Variants in CSMD1 observed in about 807,000 individuals in gnomAD.
CSMD1 encodes the protein CUB and Sushi multiple domains 1, also known as CUB and sushi domain-containing protein 1.
A neutral mutation model predicts 417.5 loss-of-function variants in CSMD1; 213 were observed. That is an observed-to-expected ratio of 0.51 (90% CI 0.46 to 0.57). The LOEUF (loss-of-function observed/expected upper bound fraction) is 0.57. Among genes scored for constraint, CSMD1 ranks in the 20% least tolerant of loss-of-function variants. The pLI is 0.00. For missense variants in CSMD1, 6,923 were observed against 4,529.7 expected (o/e 1.53, Z -15.17); for synonymous variants, 2,862 against 1,736.8 (o/e 1.65, Z -16.11).
At chr8:3,115,262 C>T (rs559120786) in intron 42 of CSMD1, among the ~76,000 whole-genome samples, 4 of 131,776 alleles carry the variant, frequency 3.0e-5, no homozygotes, top group African/African-American at 5.4e-5. Context: ...AGTGCAATGG[C>T]GCTATCTTGG....
intron 41 of CSMD1, among the ~76,000 whole-genome samples, chr8:3,137,695 G>C (rs76927918): frequency 6.6e-6 from 1 of 152,130 alleles, no homozygotes; most frequent in Non-Finnish European, 1.5e-5. Context: ...AGCAAATGCC[G>C]TGTAAATAGT....
At position 3,674,393 on chromosome 8, in the gene CSMD1, T is replaced by G. The variant is rs536349939; in HGVS notation, c.1009+34021A>C. ...GAGCTAAGTAGAAGCCATAATTTCCTAAGCATTTCTCATTCAAATCAAGAA... is the reference window on the plus strand; with the variant it reads ...GAGCTAAGTAGAAGCCATAATTTCCGAAGCATTTCTCATTCAAATCAAGAA... On this transcript the variant is annotated intron_variant, in intron 7 of 69. Coordinates refer to ENST00000635120, the MANE Select transcript of CSMD1 (RefSeq NM_033225.6). 3.9e-5 allele frequency among the ~76,000 whole-genome samples: 6 copies of G among 152,322 alleles called. No individual in the cohort carries two copies. The South Asian group carries it at 1.2e-3, about 32-fold the overall frequency.
intron 3 of CSMD1, among the ~76,000 whole-genome samples, chr8:4,032,454 G>C (rs1379283016): frequency 6.6e-6 from 1 of 152,176 alleles, no homozygotes; most frequent in Admixed American, 6.5e-5. Flanking sequence ...TCAGCAACCA[G>C]ACACAGTAGA....
chr8:3,279,607 C>G (rs13276241), intron 26 of CSMD1, among the ~76,000 whole-genome samples: 41,864 of 151,932 alleles, frequency 0.28, 6,321 homozygotes, highest in East Asian at 0.46. Context: ...TTAGTCTGCT[C>G]TCATGCAGCT....
chr8:4,387,486 T>C (rs569201942), intron 3 of CSMD1, among the ~76,000 whole-genome samples: 2 of 146,752 alleles, frequency 1.4e-5, no homozygotes, highest in Non-Finnish European at 3.0e-5. Flanking sequence ...TTTCATATCA[T>C]ACTTGCATAA....
intron 1 of CSMD1, among the ~76,000 whole-genome samples, chr8:4,670,171 T>C (rs1039984850): frequency 6.6e-6 from 1 of 152,208 alleles, no homozygotes; most frequent in African/African-American, 2.4e-5. Context: ...CACATTAATT[T>C]TTGCAAACTA....
intron 3 of CSMD1, among the ~76,000 whole-genome samples, chr8:4,101,506 T>C (rs1339082850): frequency 2.0e-5 from 3 of 152,176 alleles, no homozygotes; most frequent in Non-Finnish European, 4.4e-5. Flanking sequence ...CACCCTGCAG[T>C]CACCAAATAT....
chr8:3,912,756 C>G (rs144525406), intron 5 of CSMD1, among the ~76,000 whole-genome samples: 1 of 152,306 alleles, frequency 6.6e-6, no homozygotes, highest in African/African-American at 2.4e-5. Context: ...CTGCAGTCTG[C>G]TCTTGTAGCT....
rs564761456 is a variant in CSMD1 at position 4,144,257 on chromosome 8, A to C, written c.416-112158T>G. Among the ~76,000 whole-genome samples, 14 of 151,032 alleles carry C rather than the reference A, an allele frequency of 9.3e-5. 1 individual carries two copies. The highest frequency in any genetic ancestry group is 3.2e-4 in the African/African-American group (13 of 40,400). ...AAACTGGCCGTAAGTTCCCTGCCTCAAGACCTTATTCTGCCTCACACTCAC... is the reference window on the plus strand; with the variant it reads ...AAACTGGCCGTAAGTTCCCTGCCTCCAGACCTTATTCTGCCTCACACTCAC... On this transcript the variant is annotated intron_variant, in intron 3 of 69. Transcript: ENST00000635120.
intron 3 of CSMD1, among the ~76,000 whole-genome samples, chr8:4,046,540 T>C (rs949754132): frequency 3.3e-5 from 5 of 152,212 alleles, no homozygotes; most frequent in Admixed American, 2.0e-4. Context: ...TGTATTCAAC[T>C]CTGTACATAG....
At chr8:4,194,792 G>C (rs1476261315) in intron 3 of CSMD1, among the ~76,000 whole-genome samples, 3 of 151,758 alleles carry the variant, frequency 2.0e-5, no homozygotes, top group Non-Finnish European at 4.4e-5. Flanking sequence ...ACCTTCATGA[G>C]ACTCTTTGGT....
chr8:3,770,554 G>C (rs1329555384), intron 5 of CSMD1, among the ~76,000 whole-genome samples: 1 of 151,992 alleles, frequency 6.6e-6, no homozygotes, highest in Non-Finnish European at 1.5e-5. Flanking sequence ...AAAAAGTAAA[G>C]AAAGAACATA....
At chr8:4,495,147 G>T (rs1416195251) in intron 2 of CSMD1, among the ~76,000 whole-genome samples, 2 of 152,096 alleles carry the variant, frequency 1.3e-5, no homozygotes, top group African/African-American at 4.8e-5. Flanking sequence ...AACAAGTGAG[G>T]TAGGAACCGG....
Position 3,845,444 on chromosome 8 carries a change from C to T in CSMD1, c.819-91402G>A, listed in dbSNP as rs547958192. ...TATCTATGTATCTAAGCATATCTAA[C>T]CACAGAAAAGGTACAGCTGAAAAAT... is the stretch of plus-strand genomic sequence containing the variant. On this transcript the variant is annotated intron_variant, in intron 5 of 69. Coordinates refer to ENST00000635120, the MANE Select transcript of CSMD1 (RefSeq NM_033225.6). Among the ~76,000 whole-genome samples the T allele has an allele frequency of 5.3e-5, 8 of 152,228 alleles. No individual in the cohort carries two copies. The South Asian group carries it at 1.7e-3, about 32-fold the overall frequency.
intron 3 of CSMD1, among the ~76,000 whole-genome samples, chr8:4,355,763 C>G (rs1801394227): frequency 6.6e-6 from 1 of 152,140 alleles, no homozygotes; most frequent in Non-Finnish European, 1.5e-5. Flanking sequence ...CTCTGTTTCT[C>G]CAGTGTCATT....
intron 10 of CSMD1, among the ~76,000 whole-genome samples, chr8:3,497,483 T>C (rs746810747): frequency 6.6e-6 from 1 of 152,222 alleles, no homozygotes; most frequent in Non-Finnish European, 1.5e-5. Context: ...CTCAGCTCAC[T>C]GCAACCTGTC....
chr8:3,830,601 C>T (rs1802321349), intron 5 of CSMD1, among the ~76,000 whole-genome samples: 1 of 152,138 alleles, frequency 6.6e-6, no homozygotes, highest in Non-Finnish European at 1.5e-5. Context: ...TTGCAAGCAA[C>T]ACTGGCAGAA....
At chr8:4,459,215 C>G (rs1432901121) in intron 2 of CSMD1, among the ~76,000 whole-genome samples, 3 of 152,182 alleles carry the variant, frequency 2.0e-5, no homozygotes, top group Non-Finnish European at 4.4e-5. Flanking sequence ...TCAAGTTCCA[C>G]CTATGTAGGA....
chr8:4,983,692 T>C (rs1250404852), intron 1 of CSMD1, among the ~76,000 whole-genome samples: 1 of 152,088 alleles, frequency 6.6e-6, no homozygotes, highest in Non-Finnish European at 1.5e-5. Flanking sequence ...CCAGCTAATT[T>C]TTTTTTTCGT....
Sources: gnomAD v4.1 joint callset for allele counts (sites outside exome capture counted in the v4.1 genomes callset) on GRCh38, gnomAD v4.1.1 for gene constraint, MANE v1.5 for transcripts, NCBI Gene and HGNC (gene_info 2026-07-23, HGNC 2026-07-21) for gene names.